The following CACNB4 variants were observed in gnomAD, a reference collection of about 807,000 sequenced individuals.
CACNB4 encodes the protein calcium voltage-gated channel auxiliary subunit beta 4, also known as voltage-dependent L-type calcium channel subunit beta-4.
Under a neutral mutation model 71.2 loss-of-function variants are expected in CACNB4, and 32 were observed. That is an observed-to-expected ratio of 0.45 (90% CI 0.34 to 0.60). CACNB4 has a LOEUF of 0.60. Among genes scored for constraint, CACNB4 ranks in the 20% least tolerant of loss-of-function variants. The pLI is 0.01. For synonymous variants in CACNB4, 231 were observed against 236.9 expected, an observed-to-expected ratio of 0.97 and a Z score of 0.23; for missense variants, 464 against 647.9, an observed-to-expected ratio of 0.72 and a Z score of 3.08.
At chr2:151,935,534 A>C (rs1014474653) in intron 2 of CACNB4, among the ~76,000 whole-genome samples, 1 of 152,210 alleles carries the variant, frequency 6.6e-6, no homozygotes, top group Non-Finnish European at 1.5e-5. Context: ...CCTAAATACA[A>C]CCTGGTTATC....
At chr2:151,882,461 C>T (rs1264345682) in intron 3 of CACNB4, among the ~76,000 whole-genome samples, 2 of 151,948 alleles carry the variant, frequency 1.3e-5, no homozygotes. Flanking sequence ...ACCAATATAC[C>T]TTAGGAGTCT....
chr2:151,977,395 T>C (rs754061673), intron 2 of CACNB4, among the ~76,000 whole-genome samples: 1 of 152,238 alleles, frequency 6.6e-6, no homozygotes, highest in Non-Finnish European at 1.5e-5. Flanking sequence ...GGAAATGGCA[T>C]GTCCCTCAAC....
rs181039286 is a variant in CACNB4 at position 152,076,233 on chromosome 2, C to T, written c.147+22097G>A. Among the ~76,000 whole-genome samples the T allele has an allele frequency of 3.1e-3, 455 of 146,480 alleles. 2 individuals are homozygous for T. The highest frequency in any genetic ancestry group is 4.7e-3 in the Non-Finnish European group (316 of 66,896). On this transcript the variant is annotated intron_variant, in intron 2 of 13. Coordinates refer to ENST00000539935, the MANE Select transcript of CACNB4 (RefSeq NM_000726.5). Reference sequence around the variant, plus strand: ...TCTCGGCTCACTGCAACCTCTGCCTCCCAGGTACAAGCAATTCTCTGCCTC... The same window carrying T: ...TCTCGGCTCACTGCAACCTCTGCCTTCCAGGTACAAGCAATTCTCTGCCTC...
chr2:151,912,510 G>C (rs575883317), intron 2 of CACNB4, among the ~76,000 whole-genome samples: 31 of 152,288 alleles, frequency 2.0e-4, no homozygotes, highest in Non-Finnish European at 2.9e-4. Flanking sequence ...GTTCTAATTT[G>C]ATTGCACTGT....
intron 2 of CACNB4, among the ~76,000 whole-genome samples, chr2:152,037,101 G>A (rs1032318439): frequency 2.0e-5 from 3 of 152,156 alleles, no homozygotes; most frequent in East Asian, 1.9e-4. Context: ...TGATTCTTGC[G>A]GGGGCATAGG....
chr2:152,094,952 G>A (rs962099794), intron 2 of CACNB4, among the ~76,000 whole-genome samples: 1 of 152,196 alleles, frequency 6.6e-6, no homozygotes, highest in South Asian at 2.1e-4. Context: ...ATTTGGGCCA[G>A]TTCTTGAGTT....
chr2:152,056,797 G>A (rs547721180), intron 2 of CACNB4, among the ~76,000 whole-genome samples: 10 of 152,264 alleles, frequency 6.6e-5, no homozygotes, highest in Admixed American at 3.9e-4. Flanking sequence ...ACAATAAGGC[G>A]AGAATGGTGA....
At chr2:151,876,652 T>C (rs2099846333) in intron 4 of CACNB4, 96 bp from the exon 5 acceptor site, 2 of 696,466 alleles carry the variant, frequency 2.9e-6, no homozygotes, top group Admixed American at 3.1e-5. Flanking sequence ...ATGCTATTTA[T>C]ATGATATGAT....
rs1317330312 is a variant in CACNB4, at chr2:151,841,994, G to C, written c.1211C>G (p.Thr404Arg). The C allele has an allele frequency of 6.2e-7, 1 of 1,613,644 alleles. No homozygotes were observed. Among genetic ancestry groups the C allele is most frequent in the Non-Finnish European group, 8.5e-7 (1 of 1,179,696 alleles). The part of the protein sequence containing the change: ...YLEAYWRATH[T>R]TSSTPMTPLL... Reference sequence around the variant, plus strand: ...CGGGGTCATGGGTGTGCTACTGGTTGTGTGGGTGGCACGCCAGTACGCCTC... The same window carrying C: ...CGGGGTCATGGGTGTGCTACTGGTTCTGTGGGTGGCACGCCAGTACGCCTC... Residue 404 changes from threonine (T) to arginine (R), a missense_variant, in exon 13 of 14, where the codon ACA becomes AGA. By Grantham distance (71) the Thr-to-Arg change is moderately conservative. Coordinates refer to ENST00000539935, the MANE Select transcript of CACNB4 (RefSeq NM_000726.5).
At chr2:151,923,899 C>T (rs1053396448) in intron 2 of CACNB4, among the ~76,000 whole-genome samples, 7 of 152,054 alleles carry the variant, frequency 4.6e-5, no homozygotes, top group Admixed American at 2.6e-4. Context: ...AATACTTTCA[C>T]ATACTCAGGC....
At chr2:151,923,063 C>A (rs2099859357) in intron 2 of CACNB4, among the ~76,000 whole-genome samples, 1 of 152,206 alleles carries the variant, frequency 6.6e-6, no homozygotes, top group African/African-American at 2.4e-5. Context: ...GCGGACTTGT[C>A]TGAATGGGTG....
At chr2:152,064,935 C>T (rs1432691500) in intron 2 of CACNB4, among the ~76,000 whole-genome samples, 1 of 152,198 alleles carries the variant, frequency 6.6e-6, no homozygotes, top group Non-Finnish European at 1.5e-5. Context: ...AGAAGCTTGA[C>T]CCTTGAGTTC....
chr2:151,972,829 C>T (rs1300888642), intron 2 of CACNB4: 2 of 152,182 alleles, frequency 1.3e-5, no homozygotes, highest in African/African-American at 4.8e-5. Flanking sequence ...AGACTCCCCA[C>T]AGCACTTCCC....
At chr2:152,076,995 G>A (rs889826485) in intron 2 of CACNB4, among the ~76,000 whole-genome samples, 1 of 152,216 alleles carries the variant, frequency 6.6e-6, no homozygotes, top group East Asian at 1.9e-4. Context: ...AGCCAGGGGA[G>A]GTCTCTCTAA....
chr2:151,834,869 TAC>T lies in CACNB4; in HGVS notation c.*4248_*4249del, dbSNP rs1204342733. 4 of 152,072 alleles carry T rather than the reference TAC, an allele frequency of 2.6e-5. No homozygotes were observed. Among genetic ancestry groups the T allele is most frequent in the South Asian group, 2.1e-4 (1 of 4,834 alleles). The allele number at this position is 152,072 out of a possible 1,614,324, so 9.4% of individuals were successfully genotyped here. ...TAATTTCCTATAAATTTTTCATTCA[TAC>T]AGTCATTCAAGGATGAGTTTTATAT... On this transcript the variant is annotated 3_prime_UTR_variant, in exon 14 of 14. Coordinates refer to ENST00000539935, the MANE Select transcript of CACNB4 (RefSeq NM_000726.5).
rs545146493 is a variant in CACNB4 at position 151,916,558 on chromosome 2, T to C, written c.148-33188A>G. Among the ~76,000 whole-genome samples the C allele has an allele frequency of 3.9e-5, 6 of 152,310 alleles. No homozygotes were observed. In the South Asian group the frequency reaches 8.3e-4, roughly 21 times the overall value. On this transcript the variant is annotated intron_variant, in intron 2 of 13. Coordinates refer to ENST00000539935, the MANE Select transcript of CACNB4 (RefSeq NM_000726.5). ...ATAGTCGACTGAAAAATGTTAAATC[T>C]TATCTTGATTACAAATTGTTGAAGG...
chr2:151,986,468 C>T (rs1388837075), intron 2 of CACNB4, among the ~76,000 whole-genome samples: 1 of 152,124 alleles, frequency 6.6e-6, no homozygotes, highest in Non-Finnish European at 1.5e-5. Context: ...TCAGCTAACC[C>T]TTCAACCCAC....
intron 2 of CACNB4, among the ~76,000 whole-genome samples, chr2:151,974,815 CAAAAAAAA>C (rs35540920): frequency 8.0e-5 from 11 of 137,980 alleles, no homozygotes; most frequent in Non-Finnish European, 1.4e-4. Context: ...TCTGGTCAAC[CAAAAAAAA>C]AAAAAAAAAA....
At chr2:151,893,370 T>C (rs1012531725) in intron 2 of CACNB4, among the ~76,000 whole-genome samples, 7 of 152,180 alleles carry the variant, frequency 4.6e-5, no homozygotes, top group East Asian at 1.9e-4. Context: ...GCCTCCTTAA[T>C]AGCTGGGACT....
Sources: gnomAD v4.1 joint callset for allele counts (sites outside exome capture counted in the v4.1 genomes callset) on GRCh38, gnomAD v4.1.1 for gene constraint, MANE v1.5 for transcripts, NCBI Gene and HGNC (gene_info 2026-07-23, HGNC 2026-07-21) for gene names.